DAB1: variants seen among roughly 807,000 people sequenced by gnomAD.
The protein encoded by DAB1 is DAB adaptor protein 1.
A neutral mutation model predicts 64.6 loss-of-function variants in DAB1; 15 were observed. That is an observed-to-expected ratio of 0.23 (90% CI 0.16 to 0.36). The LOEUF (loss-of-function observed/expected upper bound fraction) is 0.36, where lower values mean the gene tolerates loss of function less well. Ranked by LOEUF, DAB1 falls within the 10% of genes least tolerant of loss-of-function variation. The probability of loss-of-function intolerance (pLI) is 1.00; values close to 1 mark genes in which losing one functional copy is unlikely to be tolerated. For synonymous variants in DAB1, 235 were observed against 251.9 expected, an observed-to-expected ratio of 0.93 and a Z score of 0.64; for missense variants, 596 against 706.7, an observed-to-expected ratio of 0.84 and a Z score of 1.78.
chr1:57,361,498 A>G (rs1436402078), intron 1 of DAB1, among the ~76,000 whole-genome samples: 2 of 152,186 alleles, frequency 1.3e-5, no homozygotes. Flanking sequence ...AGGATTGTTC[A>G]TCTGCATCCT....
At chr1:58,527,117 A>C in intron 2 of DAB1, 1 of 586,828 alleles carries the variant, frequency 1.7e-6, no homozygotes, top group Non-Finnish European at 3.1e-6. Context: ...TAATCTTCAA[A>C]TTTCTAGATT....
At chr1:58,049,407 A>G (rs1480234030) in intron 5 of DAB1, 2 of 467,392 alleles carry the variant, frequency 4.3e-6, no homozygotes, top group African/African-American at 3.9e-5. Context: ...CTTTCCGATA[A>G]TAATTATGCT....
At chr1:57,876,974 G>A (rs1396695961) in intron 1 of DAB1, 2 of 152,152 alleles carry the variant, frequency 1.3e-5, no homozygotes, top group East Asian at 3.9e-4. Flanking sequence ...TGAGGAAGGG[G>A]CTTTATCCCA....
intron 4 of DAB1, among the ~76,000 whole-genome samples, chr1:57,085,095 T>G (rs1279511319): frequency 6.6e-6 from 1 of 152,142 alleles, no homozygotes; most frequent in African/African-American, 2.4e-5. Context: ...GATTAATAAA[T>G]TCTTACCCTC....
At chr1:57,133,472 G>T (rs1026576138) in intron 4 of DAB1, among the ~76,000 whole-genome samples, 1 of 152,138 alleles carries the variant, frequency 6.6e-6, no homozygotes, top group Non-Finnish European at 1.5e-5. Context: ...TCATCCATCT[G>T]TCTGGTCTAC....
intron 7 of DAB1, among the ~76,000 whole-genome samples, chr1:57,549,831 T>G (rs747551484): frequency 8.5e-5 from 13 of 152,158 alleles, no homozygotes; most frequent in Non-Finnish European, 1.6e-4. Context: ...AAGCAGAATT[T>G]GAACAGAAAT....
chr1:57,350,884 T>C (rs1678536332), intron 1 of DAB1, among the ~76,000 whole-genome samples: 1 of 152,138 alleles, frequency 6.6e-6, no homozygotes, highest in South Asian at 2.1e-4. Flanking sequence ...CATACAGAAT[T>C]TACCAGAGAT....
At chr1:57,071,400 AG>A in intron 6 of DAB1, 121 bp downstream of exon 6, 1 of 1,203,648 alleles carries the variant, frequency 8.3e-7, no homozygotes, top group African/African-American at 1.5e-5. Context: ...TAATTTACAC[AG>A]GAATCTTTCA....
chr1:58,364,893 G>A (rs1032888205), intron 3 of DAB1, among the ~76,000 whole-genome samples: 1 of 152,156 alleles, frequency 6.6e-6, no homozygotes, highest in Non-Finnish European at 1.5e-5. Context: ...ATGATTGTGT[G>A]ACCTAAATCT....
intron 7 of DAB1, among the ~76,000 whole-genome samples, chr1:57,486,629 G>GT (rs953247491): frequency 2.6e-5 from 4 of 152,050 alleles, no homozygotes; most frequent in Admixed American, 1.3e-4. Context: ...TGAGATATAT[G>GT]TTTTTTTAGT....
At chr1:58,051,296 G>A (rs1279139677) in intron 5 of DAB1, among the ~76,000 whole-genome samples, 1 of 151,968 alleles carries the variant, frequency 6.6e-6, no homozygotes, top group East Asian at 1.9e-4. Context: ...AGAACATGTG[G>A]TGTTTGGTTT....
chr1:57,814,132 T>C (rs528580827), intron 6 of DAB1, among the ~76,000 whole-genome samples: 1 of 152,158 alleles, frequency 6.6e-6, no homozygotes, highest in Non-Finnish European at 1.5e-5. Context: ...TAAGAAGAAC[T>C]GTTAGAAAAA....
At chr1:57,737,111 C>T (rs1338409889) in intron 6 of DAB1, among the ~76,000 whole-genome samples, 1 of 152,146 alleles carries the variant, frequency 6.6e-6, no homozygotes, top group African/African-American at 2.4e-5. Flanking sequence ...CTGTGGCTTC[C>T]GGTGGAGGCA....
chr1:57,851,638 C>A (rs1653530314), intron 1 of DAB1, among the ~76,000 whole-genome samples: 3 of 152,152 alleles, frequency 2.0e-5, no homozygotes. Flanking sequence ...TCTATTCTTC[C>A]TATGTGACAT....
chr1:57,728,102 A>G (rs1190251622), intron 6 of DAB1, among the ~76,000 whole-genome samples: 1 of 152,158 alleles, frequency 6.6e-6, no homozygotes, highest in Non-Finnish European at 1.5e-5. Context: ...TCTACCAAAG[A>G]CACTTTAGAA....
At chr1:57,004,155 T>C (rs1341411240) in intron 14 of DAB1, among the ~76,000 whole-genome samples, 1 of 152,140 alleles carries the variant, frequency 6.6e-6, no homozygotes, top group African/African-American at 2.4e-5. Context: ...CAGGAGACAG[T>C]GGAGAGCCAG....
intron 6 of DAB1, among the ~76,000 whole-genome samples, chr1:57,666,702 C>T (rs929353820): frequency 6.6e-6 from 1 of 152,162 alleles, no homozygotes; most frequent in Non-Finnish European, 1.5e-5. Flanking sequence ...AACCACTTCT[C>T]ACCATTTCTC....
At position 57,564,513 on chromosome 1, in the gene DAB1, G is replaced by T. The variant is rs148556569; in HGVS notation, n.625+85079C>A. The stretch of plus-strand genomic sequence containing the variant: ...CTAAAGGAGGAAGTCTGAACCCATC[G>T]CAAAGAAGCTAAAAATCTTGAAAAA... On this transcript the variant is annotated intron_variant and non_coding_transcript_variant, in intron 7 of 20. Coordinates refer to the DAB1 transcript ENST00000485760. Among the ~76,000 whole-genome samples the T allele has an allele frequency of 2.6e-5, 4 of 152,096 alleles. 1 individual carries two copies. The South Asian group carries it at 8.3e-4, about 32-fold the overall frequency.
intron 2 of DAB1, among the ~76,000 whole-genome samples, chr1:57,181,298 G>A (rs1028071466): frequency 1.3e-5 from 2 of 152,118 alleles, no homozygotes; most frequent in African/African-American, 2.4e-5. Context: ...GGACAGTGAG[G>A]CCTCGGACTT....
Sources: allele counts gnomAD v4.1 joint callset (sites outside exome capture counted in the v4.1 genomes callset), GRCh38; gene constraint gnomAD v4.1.1; transcripts MANE v1.5; gene names NCBI Gene and HGNC (gene_info 2026-07-23, HGNC 2026-07-21).